The following NHSL1 variants were observed in gnomAD, a reference collection of about 807,000 sequenced individuals.
NHSL1 encodes NHS like 1.
A neutral mutation model predicts 95.0 loss-of-function variants in NHSL1; 48 were observed. That is an observed-to-expected ratio of 0.51 (90% confidence interval 0.40 to 0.64). The LOEUF is 0.64. Among genes scored for constraint, NHSL1 ranks in the 30% least tolerant of loss-of-function variants. The probability of loss-of-function intolerance (pLI) is 0.00; values close to 1 mark genes in which losing one functional copy is unlikely to be tolerated. For missense variants in NHSL1, 1,971 were observed against 2,077.7 expected (o/e 0.95, Z 1.00); for synonymous variants, 783 against 833.9 (o/e 0.94, Z 1.05).
chr6:138,653,952 C>T (rs545999644), intron 1 of NHSL1, among the ~76,000 whole-genome samples: 10 of 152,320 alleles, frequency 6.6e-5, no homozygotes, highest in African/African-American at 1.9e-4. Flanking sequence ...GTAGCAACCA[C>T]AGTTTGGAAA....
In NHSL1 at chr6:138,423,259, T is replaced by C. The variant is rs1367309602; in HGVS notation, c.*822A>G. 1 of 152,198 alleles carries C rather than the reference T, an allele frequency of 6.6e-6. No homozygotes were observed. Among genetic ancestry groups the C allele is most frequent in the African/African-American group, 2.4e-5 (1 of 41,442 alleles). 9.4% of individuals were successfully genotyped at this position (152,198 alleles called of 1,614,324 possible). On this transcript the variant is annotated 3_prime_UTR_variant, in exon 8 of 8. Coordinates refer to ENST00000343505, the MANE Select transcript of NHSL1 (RefSeq NM_001144060.2). ...CTTTCCAACCCTTCCCCTCTCTCTA[T>C]GTCCACACCATCACTTCAGTTGTCA...
intron 1 of NHSL1, among the ~76,000 whole-genome samples, chr6:138,672,215 C>T (rs1303551488): frequency 6.6e-6 from 1 of 152,074 alleles, no homozygotes; most frequent in Non-Finnish European, 1.5e-5. Flanking sequence ...AACTTTTTCA[C>T]CATAAATCCT....
chr6:138,471,053 G>T (rs1268021985), intron 3 of NHSL1, among the ~76,000 whole-genome samples: 1 of 152,084 alleles, frequency 6.6e-6, no homozygotes, highest in East Asian at 1.9e-4. Context: ...CTGTTTTCTA[G>T]GGGGTGATTT....
intron 1 of NHSL1, among the ~76,000 whole-genome samples, chr6:138,679,318 C>T (rs528227459): frequency 3.9e-4 from 59 of 152,126 alleles, no homozygotes; most frequent in Non-Finnish European, 7.2e-4. Context: ...GAAAAAAAAG[C>T]AACATGATAA....
At chr6:138,611,666 A>G (rs554984502) in intron 1 of NHSL1, among the ~76,000 whole-genome samples, 9 of 152,288 alleles carry the variant, frequency 5.9e-5, no homozygotes, top group Admixed American at 4.6e-4. Flanking sequence ...GAATGGCGTG[A>G]ACCCGGGAGG....
intron 1 of NHSL1, among the ~76,000 whole-genome samples, chr6:138,537,281 A>T (rs1782394483): frequency 6.6e-6 from 1 of 152,246 alleles, no homozygotes; most frequent in Admixed American, 6.5e-5. Context: ...ACTGGCTTAC[A>T]TAGCTTTCAA....
chr6:138,584,187 T>G (rs1275085085), intron 1 of NHSL1, among the ~76,000 whole-genome samples: 1 of 152,324 alleles, frequency 6.6e-6, no homozygotes, highest in South Asian at 2.1e-4. Flanking sequence ...AACCATAGAC[T>G]TGGTATCTCT....
At position 138,433,262 on chromosome 6, in the gene NHSL1, T is replaced by C; in HGVS notation, c.1083A>G (p.Pro361=). The C allele has an allele frequency of 1.3e-6, 2 of 1,551,492 alleles. No individual in the cohort carries two copies. The highest frequency in any genetic ancestry group is 1.7e-6 in the Non-Finnish European group (2 of 1,146,958). ...AATGGCCTAAGTTTTCATCTGCTTG[T>C]GGGTGACCTCTCTGGTAGAGGAAAG... ...NGTFLYQRGH[P]QADENLGHLG... is the part of the protein sequence containing the mutation. The change falls in exon 6 of 8, where the codon CCA becomes CCG. Residue 361 remains proline (P), a synonymous_variant. Coordinates refer to ENST00000343505, the MANE Select transcript of NHSL1 (RefSeq NM_001144060.2).
intron 1 of NHSL1, among the ~76,000 whole-genome samples, chr6:138,673,039 A>ATAGC (rs1370172816): frequency 8.8e-4 from 9 of 10,258 alleles, no homozygotes; most frequent in South Asian, 7.0e-3. Context: ...AGGTAGATAG[A>ATAGC]TAGATAGATA....
intron 7 of NHSL1, among the ~76,000 whole-genome samples, chr6:138,425,124 T>C (rs909973450): frequency 6.6e-6 from 1 of 152,108 alleles, no homozygotes; most frequent in Admixed American, 6.6e-5. Flanking sequence ...TGAGACTCAC[T>C]CTGTCGCTCA....
chr6:138,485,754 G>A lies in NHSL1; in HGVS notation c.211+10465C>T, dbSNP rs542952259. On this transcript the variant is annotated intron_variant, in intron 2 of 7. Transcript: ENST00000343505. ...TTTTTCTCAATAGGGCATTTAATCC[G>A]TGGTTTCACCCGGCTGGGCAACTTT... 9.2e-5 allele frequency among the ~76,000 whole-genome samples: 14 copies of A among 152,140 alleles called. No individual in the cohort carries two copies. The South Asian group carries it at 2.7e-3, about 29-fold the overall frequency.
At chr6:138,533,163 A>G (rs1037786480) in intron 1 of NHSL1, among the ~76,000 whole-genome samples, 23 of 152,244 alleles carry the variant, frequency 1.5e-4, no homozygotes, top group African/African-American at 5.5e-4. Context: ...ATGGCAATAC[A>G]AAGAAATAGA....
At chr6:138,429,866 A>T in intron 6 of NHSL1, 23 bp from the exon 7 acceptor site, 1 of 1,540,252 alleles carries the variant, frequency 6.5e-7, no homozygotes, top group Non-Finnish European at 8.8e-7. Flanking sequence ...AGGCAGGCAT[A>T]CAAGACGCAC....
intron 1 of NHSL1, among the ~76,000 whole-genome samples, chr6:138,523,213 G>GA (rs1351174052): frequency 6.6e-6 from 1 of 151,836 alleles, no homozygotes; most frequent in Non-Finnish European, 1.5e-5. Context: ...GTATTTATGA[G>GA]AAAAAAAATT....
At chr6:138,624,802 T>C (rs1784713452) in intron 1 of NHSL1, among the ~76,000 whole-genome samples, 1 of 152,208 alleles carries the variant, frequency 6.6e-6, no homozygotes, top group African/African-American at 2.4e-5. Flanking sequence ...GAGGAGGTGT[T>C]TGCAAAAGCT....
At chr6:138,665,848 A>C (rs1036671246) in intron 1 of NHSL1, among the ~76,000 whole-genome samples, 8 of 152,190 alleles carry the variant, frequency 5.3e-5, no homozygotes, top group Non-Finnish European at 1.0e-4. Context: ...ATTAACCACA[A>C]GCTTTACTCC....
intron 3 of NHSL1, among the ~76,000 whole-genome samples, chr6:138,455,478 A>ACATGCTCCCTGCAAGAAGCCCCGCCTTCG (rs1777529204): frequency 1.2e-4 from 3 of 25,554 alleles, no homozygotes; most frequent in Admixed American, 3.6e-4. Flanking sequence ...CCCCGCCTTC[A>ACATGCTCCCTGCAAGAAGCCCCGCCTTCG]CATGCTCCCT....
At chr6:138,527,680 C>T (rs556719639) in intron 1 of NHSL1, among the ~76,000 whole-genome samples, 15 of 152,288 alleles carry the variant, frequency 9.8e-5, no homozygotes, top group African/African-American at 3.1e-4. Flanking sequence ...CTTTGAGGCT[C>T]CAGCGTGACA....
rs1334812107 is a variant in NHSL1 at position 138,533,202 on chromosome 6, TG to T, written c.16+12420del. Among the ~76,000 whole-genome samples the T allele has an allele frequency of 2.2e-4, 33 of 152,168 alleles. 2 individuals carry two copies. The highest frequency in any genetic ancestry group is 7.2e-4 in the African/African-American group (30 of 41,510). ...AGGGGAACCCTAGAAAATAATCAAATGGACCTAAAAATTTAGAACAAAGGGT... is the reference window on the plus strand; with the variant it reads ...AGGGGAACCCTAGAAAATAATCAAATGACCTAAAAATTTAGAACAAAGGGT... On this transcript the variant is annotated intron_variant, in intron 1 of 4. Coordinates refer to the NHSL1 transcript ENST00000342260.
Sources: gnomAD v4.1 joint callset for allele counts (sites outside exome capture counted in the v4.1 genomes callset) on GRCh38, gnomAD v4.1.1 for gene constraint, MANE v1.5 for transcripts, NCBI Gene and HGNC (gene_info 2026-07-23, HGNC 2026-07-21) for gene names.